ZNF676: variants seen among roughly 807,000 people sequenced by gnomAD.
ZNF676 encodes zinc finger protein 676.
In ZNF676, 4 loss-of-function variants were observed where a neutral mutation model predicts 6.0. The ratio of observed to expected loss-of-function variants is 0.67; its 90% CI spans 0.33 to 1.53. The LOEUF is 1.53. ZNF676 is among the 40% of genes most tolerant of loss of function. The pLI is 0.06. For missense variants in ZNF676, 644 were observed against 679.7 expected (o/e 0.95, Z 0.58); for synonymous variants, 198 against 223.1 (o/e 0.89, Z 1.00).
chr19:22,240,199 T>G, the ZNF676 span, among the ~76,000 whole-genome samples: 1 of 152,026 alleles, frequency 6.6e-6, no homozygotes, highest in Non-Finnish European at 1.5e-5. Context: ...CAATGACACC[T>G]GTGGGCAGGG....
chr19:22,233,367 A>T, the ZNF676 span, among the ~76,000 whole-genome samples: 1 of 151,764 alleles, frequency 6.6e-6, no homozygotes, highest in African/African-American at 2.4e-5. Flanking sequence ...TTTGGATGGG[A>T]ATGTATTGCC....
In ZNF676 at chr19:22,180,246, T is replaced by C. The variant is rs200330533; in HGVS notation, c.1471A>G (p.Ile491Val). 7.5e-5 allele frequency: 121 copies of C among 1,613,612 alleles called. No individual in the cohort carries two copies. The highest frequency in any genetic ancestry group is 6.2e-5 in the Non-Finnish European group (73 of 1,179,786). ...TGAATTATCTTATGTTTAGTAAGGA[T>C]TGAGAACGTACTAAAGCCTTTGCCA... is the stretch of plus-strand genomic sequence containing the variant. Reference protein sequence around the residue: ...ECGKGFSTFSILTKHKIIHTG... With the variant: ...ECGKGFSTFSVLTKHKIIHTG... Residue 491 changes from isoleucine to valine, a missense_variant, in exon 3 of 3, where the codon ATC (isoleucine) becomes GTC (valine). By Grantham distance (29) the Ile-to-Val change is conservative (BLOSUM62 3). Around this residue, in one of 5 missense-constraint regions of ZNF676, gnomAD observed 306 missense variants for 265.4 expected, o/e 1.15. Coordinates refer to ENST00000397121, the MANE Select transcript of ZNF676 (RefSeq NM_001001411.3).
chr19:22,191,802 C>G (rs1216612792), intron 2 of ZNF676, among the ~76,000 whole-genome samples: 2 of 152,176 alleles, frequency 1.3e-5, no homozygotes, highest in Non-Finnish European at 2.9e-5. Context: ...CACTCTACTA[C>G]AAACCCAGAG....
At chr19:22,185,358 C>T (rs540237852) in intron 2 of ZNF676, among the ~76,000 whole-genome samples, 2 of 152,040 alleles carry the variant, frequency 1.3e-5, no homozygotes, top group East Asian at 1.9e-4. Flanking sequence ...AGACACCATC[C>T]GAAGGTCATC....
the ZNF676 span, among the ~76,000 whole-genome samples, chr19:22,231,597 G>A: frequency 1.5e-5 from 1 of 65,778 alleles, no homozygotes; most frequent in Non-Finnish European, 2.8e-5. Flanking sequence ...TACTTTAGCT[G>A]TATCTTTATT....
the ZNF676 span, among the ~76,000 whole-genome samples, chr19:22,233,450 T>C: frequency 6.6e-6 from 1 of 152,264 alleles, no homozygotes; most frequent in African/African-American, 2.4e-5. Flanking sequence ...ACAATCTTTA[T>C]CACGTAGCTT....
At chr19:22,249,401 GT>G in the ZNF676 span, among the ~76,000 whole-genome samples, 2 of 151,932 alleles carry the variant, frequency 1.3e-5, no homozygotes, top group Non-Finnish European at 1.5e-5. Flanking sequence ...ATATTATTCA[GT>G]TTTTTTTGTT....
At chr19:22,259,262 G>A in the ZNF676 span, among the ~76,000 whole-genome samples, 1 of 152,168 alleles carries the variant, frequency 6.6e-6, no homozygotes, top group Non-Finnish European at 1.5e-5. Context: ...TGCTCCCTGT[G>A]GGCAGGACTC....
intron 1 of ZNF676, among the ~76,000 whole-genome samples, chr19:22,210,469 A>G (rs1004549908): frequency 1.3e-5 from 2 of 152,262 alleles, no homozygotes; most frequent in Non-Finnish European, 2.9e-5. Flanking sequence ...AGAACACTGT[A>G]GTTATATTCA....
intron 2 of ZNF676, among the ~76,000 whole-genome samples, chr19:22,182,603 G>GCAAAAAAAAAA (rs2023774625): frequency 2.7e-5 from 1 of 37,258 alleles, no homozygotes; most frequent in African/African-American, 1.2e-4. Flanking sequence ...AAAAAAAAAA[G>GCAAAAAAAAAA]CAAACAAAAA....
chr19:22,242,882 G>A, the ZNF676 span, among the ~76,000 whole-genome samples: 1 of 151,792 alleles, frequency 6.6e-6, no homozygotes, highest in African/African-American at 2.4e-5. Flanking sequence ...ACATTATGTA[G>A]CTGCTGAGCT....
chr19:22,215,707 G>C, exon 1 of ZNF676: 1 of 1,572,768 alleles, frequency 6.4e-7, no homozygotes, highest in Admixed American at 1.7e-5. Flanking sequence ...GGGCCACAGA[G>C]GCTGGGACTC....
At chr19:22,208,157 G>C (rs193139971) in intron 1 of ZNF676, among the ~76,000 whole-genome samples, 18 of 150,782 alleles carry the variant, frequency 1.2e-4, no homozygotes, top group African/African-American at 4.1e-4. Context: ...ACAGTAAAGA[G>C]ACACCCTACA....
intron 1 of ZNF676, among the ~76,000 whole-genome samples, chr19:22,194,436 C>T (rs2023946023): frequency 6.6e-6 from 1 of 152,166 alleles, no homozygotes; most frequent in Admixed American, 6.6e-5. Context: ...CATTGTTCTA[C>T]AATGTTAGCA....
chr19:22,227,990 C>T, the ZNF676 span, among the ~76,000 whole-genome samples: 1 of 152,312 alleles, frequency 6.6e-6, no homozygotes, highest in Admixed American at 6.5e-5. Context: ...AAGAGGGACT[C>T]CTCCCTAGCT....
At chr19:22,199,596 TTC>T (rs759684185), upstream of ZNF676, among the ~76,000 whole-genome samples, 80 of 152,354 alleles carry the variant, frequency 5.3e-4, no homozygotes, top group Non-Finnish European at 1.0e-3. Context: ...GCATTTTTAT[TTC>T]TATTTGTTTA....
chr19:22,201,798 A>C (rs1381605693), upstream of ZNF676, among the ~76,000 whole-genome samples: 2 of 149,852 alleles, frequency 1.3e-5, no homozygotes, highest in African/African-American at 4.9e-5. Flanking sequence ...TGGTTGTGAG[A>C]AATTTTACTT....
At chr19:22,192,314 A>C (rs1200568702) in intron 2 of ZNF676, among the ~76,000 whole-genome samples, 1 of 152,098 alleles carries the variant, frequency 6.6e-6, no homozygotes, top group East Asian at 1.9e-4. Context: ...GAGAGAACAC[A>C]AATAAATTTA....
At chr19:22,246,270 C>A in the ZNF676 span, among the ~76,000 whole-genome samples, 5 of 152,200 alleles carry the variant, frequency 3.3e-5, no homozygotes, top group African/African-American at 1.2e-4. Flanking sequence ...TGTCACAATA[C>A]ACAATTTATG....
Sources: gnomAD v4.1 joint callset for allele counts (sites outside exome capture counted in the v4.1 genomes callset) on GRCh38, gnomAD v4.1.1 for gene constraint, gnomAD v4.1.1 regional missense constraint, MANE v1.5 for transcripts, NCBI Gene and HGNC (gene_info 2026-07-23, HGNC 2026-07-21) for gene names.